PLCB4: variants seen among roughly 807,000 people sequenced by gnomAD.
PLCB4 encodes 1-phosphatidylinositol 4,5-bisphosphate phosphodiesterase beta-4.
PLCB4 carries 77 observed loss-of-function variants against 178.8 expected under a neutral mutation model. That is an observed-to-expected ratio of 0.43 (90% CI 0.36 to 0.52). PLCB4 has a LOEUF of 0.52. PLCB4 is among the 20% of genes least tolerant of loss of function. The probability of loss-of-function intolerance (pLI) is 0.00; values close to 1 mark genes in which losing one functional copy is unlikely to be tolerated. For synonymous variants in PLCB4, 496 were observed against 490.8 expected, an observed-to-expected ratio of 1.01 and a Z score of -0.14; for missense variants, 1,024 against 1,453.4, an observed-to-expected ratio of 0.70 and a Z score of 4.80.
chr20:9,079,643 C>G (rs747648384), intron 1 of PLCB4, among the ~76,000 whole-genome samples: 14 of 152,166 alleles, frequency 9.2e-5, no homozygotes, highest in Non-Finnish European at 1.5e-4. Flanking sequence ...CCCTCCAGAA[C>G]AGAGGTTTGC....
At chr20:9,277,788 G>GGAATTCAGCCT (rs1193974554) in intron 3 of PLCB4, among the ~76,000 whole-genome samples, 1 of 151,964 alleles carries the variant, frequency 6.6e-6, no homozygotes, top group Non-Finnish European at 1.5e-5. Context: ...CTATCTAGGA[G>GGAATTCAGCCT]GAATTCAGCC....
chr20:9,083,540 A>G (rs1253469708), intron 1 of PLCB4, among the ~76,000 whole-genome samples: 1 of 152,132 alleles, frequency 6.6e-6, no homozygotes, highest in African/African-American at 2.4e-5. Context: ...CCCCTAACCC[A>G]TTATTTATTA....
chr20:9,196,294 A>C (rs1473457119), intron 2 of PLCB4, among the ~76,000 whole-genome samples: 1 of 152,194 alleles, frequency 6.6e-6, no homozygotes, highest in Admixed American at 6.5e-5. Flanking sequence ...TGACAATGGA[A>C]TAGGAGGGCC....
rs145845815 is a variant in PLCB4 at position 9,347,947 on chromosome 20, G to A, written c.369+8910G>A. Among the ~76,000 whole-genome samples the A allele has an allele frequency of 8.1e-4, 124 of 152,226 alleles. 1 individual carries two copies. The Middle Eastern group carries it at 0.014, about 17-fold the overall frequency. The stretch of plus-strand genomic sequence containing the variant: ...CAAGATCACGCCACTGCACTCCAGC[G>A]TGGCAACAGAGTGAGACTCCATCTC... On this transcript the variant is annotated intron_variant, in intron 7 of 39. Coordinates refer to ENST00000378473, the MANE Select transcript of PLCB4 (RefSeq NM_001377142.1).
intron 2 of PLCB4, among the ~76,000 whole-genome samples, chr20:9,106,447 TGACA>T (rs1219415111): frequency 1.3e-5 from 2 of 151,898 alleles, no homozygotes; most frequent in East Asian, 1.9e-4. Context: ...AGTCTGTTTT[TGACA>T]GATATGATTG....
intron 3 of PLCB4, among the ~76,000 whole-genome samples, chr20:9,258,889 G>A (rs899695757): frequency 6.6e-6 from 1 of 151,954 alleles, no homozygotes; most frequent in South Asian, 2.1e-4. Context: ...TACATTATTT[G>A]ATCACCCCAG....
intron 1 of PLCB4, among the ~76,000 whole-genome samples, chr20:9,088,449 T>C (rs527385529): frequency 6.6e-6 from 1 of 152,280 alleles, no homozygotes; most frequent in South Asian, 2.1e-4. Context: ...ATCACTGGCT[T>C]AATAGTAAGA....
chr20:9,269,495 A>G (rs1466262840), intron 3 of PLCB4, among the ~76,000 whole-genome samples: 1 of 152,186 alleles, frequency 6.6e-6, no homozygotes, highest in Non-Finnish European at 1.5e-5. Flanking sequence ...CATCATTCCA[A>G]CACAGTGAGC....
chr20:9,123,251 T>C (rs1166644736), intron 2 of PLCB4, among the ~76,000 whole-genome samples: 2 of 152,102 alleles, frequency 1.3e-5, no homozygotes, highest in East Asian at 3.9e-4. Flanking sequence ...ATCATTAGTT[T>C]TTGAATAGTA....
chr20:9,391,882 G>A (rs768462621), intron 17 of PLCB4, among the ~76,000 whole-genome samples: 10 of 152,244 alleles, frequency 6.6e-5, no homozygotes, highest in Non-Finnish European at 1.2e-4. Context: ...CAGCAGGATC[G>A]TGCTCCAGCT....
intron 5 of PLCB4, among the ~76,000 whole-genome samples, chr20:9,337,594 C>T (rs1180827050): frequency 3.3e-5 from 5 of 151,976 alleles, no homozygotes; most frequent in Admixed American, 6.6e-5. Context: ...GGACTTAATT[C>T]GATGTATGGT....
chr20:9,193,448 C>T (rs1202305072), intron 2 of PLCB4, among the ~76,000 whole-genome samples: 4 of 152,174 alleles, frequency 2.6e-5, no homozygotes, highest in Non-Finnish European at 5.9e-5. Context: ...TATTTCCAGC[C>T]TGCCCCCTGT....
intron 2 of PLCB4, among the ~76,000 whole-genome samples, chr20:9,216,018 C>T (rs1168787171): frequency 6.6e-6 from 1 of 152,130 alleles, no homozygotes; most frequent in Admixed American, 6.5e-5. Context: ...AATGTACCAA[C>T]CTACCTGAGA....
At position 9,230,358 on chromosome 20, in the gene PLCB4, A is replaced by G. The variant is rs114715860; in HGVS notation, c.-16+12906A>G. On this transcript the variant is annotated intron_variant, in intron 3 of 39. Transcript: ENST00000378473. ...GGCAGTGGGGGATAAAATTTTGTCCATAATAAGCAGTATAGGGGTAAAGGA... is the reference window on the plus strand; with the variant it reads ...GGCAGTGGGGGATAAAATTTTGTCCGTAATAAGCAGTATAGGGGTAAAGGA... Among the ~76,000 whole-genome samples, 1,022 of 152,198 alleles carry G rather than the reference A, an allele frequency of 6.7e-3. 11 individuals carry two copies. The highest frequency in any genetic ancestry group is 0.023 in the African/African-American group (952 of 41,536).
chr20:9,196,048 A>G (rs1322815109), intron 2 of PLCB4, among the ~76,000 whole-genome samples: 2 of 152,212 alleles, frequency 1.3e-5, no homozygotes, highest in Non-Finnish European at 1.5e-5. Context: ...CAGACGTTAC[A>G]GTTTTAAGCA....
intron 2 of PLCB4, among the ~76,000 whole-genome samples, chr20:9,144,719 AAGGGGAAGGAGGGGAAGGAGGGGAAGG>A (rs776725929): frequency 5.4e-5 from 3 of 55,500 alleles, no homozygotes; most frequent in South Asian, 1.3e-3. Context: ...GAAGGGGAAG[AAGGGGAAGGAGGGGAAGGAGGGGAAGG>A]AGGGGAAGGA....
chr20:9,089,161 T>A (rs1209966595), intron 1 of PLCB4, among the ~76,000 whole-genome samples: 1 of 151,866 alleles, frequency 6.6e-6, no homozygotes, highest in Non-Finnish European at 1.5e-5. Context: ...CTTAAAAGAT[T>A]TAATGTGATT....
chr20:9,156,825 C>CTCCT (rs2092796578), intron 2 of PLCB4, among the ~76,000 whole-genome samples: 1 of 64,770 alleles, frequency 1.5e-5, no homozygotes. Context: ...GGTTGCCTCC[C>CTCCT]TCCCTCCCTC....
At chr20:9,319,012 G>T (rs927088215) in intron 4 of PLCB4, among the ~76,000 whole-genome samples, 5 of 152,180 alleles carry the variant, frequency 3.3e-5, no homozygotes, top group African/African-American at 1.2e-4. Flanking sequence ...CAGTCTTGCA[G>T]ATCATCAGGC....
Sources: gnomAD v4.1 joint callset for allele counts (sites outside exome capture counted in the v4.1 genomes callset) on GRCh38, gnomAD v4.1.1 for gene constraint, MANE v1.5 for transcripts, NCBI Gene and HGNC (gene_info 2026-07-23, HGNC 2026-07-21) for gene names.